Variants in GAB4 observed in about 807,000 individuals in gnomAD.
GAB4 encodes the protein GRB2 associated binding protein family member 4, also known as GRB2-associated-binding protein 4.
In GAB4, 26 loss-of-function variants were observed where a neutral mutation model predicts 51.3. That is an observed-to-expected ratio of 0.51 (90% CI 0.37 to 0.70). GAB4 has a LOEUF of 0.70. Ranked by LOEUF, GAB4 falls within the 30% of genes least tolerant of loss-of-function variation. GAB4 has a pLI of 0.00. For synonymous variants in GAB4, 329 were observed against 291.2 expected (o/e 1.13, Z -1.32); for missense variants, 759 against 734.6 (o/e 1.03, Z -0.38).
intron 3 of GAB4, among the ~76,000 whole-genome samples, chr22:16,974,501 G>A (rs6518645): frequency 0.032 from 4,908 of 152,264 alleles, 319 homozygotes; most frequent in African/African-American, 0.11. Context: ...GCAGCGCAGT[G>A]CACCTGCCCT....
At chr22:16,976,959 C>A (rs112760235) in intron 3 of GAB4, among the ~76,000 whole-genome samples, 8 of 152,152 alleles carry the variant, frequency 5.3e-5, no homozygotes, top group Non-Finnish European at 1.2e-4. Flanking sequence ...TCTTTACAGA[C>A]AAGCAAATGC....
intron 5 of GAB4, chr22:16,967,043 G>A (rs1238937332): frequency 1.3e-5 from 2 of 152,226 alleles, no homozygotes. Context: ...AATCAAAGTA[G>A]AGGCAAGAAA....
rs574636837 is a variant in GAB4 at position 16,988,007 on chromosome 22, C to A, written c.639G>T (p.Gly213=). Residue 213 remains glycine (G), a synonymous_variant, in exon 3 of 10, where the codon GGG becomes GGT. Transcript: ENST00000400588. ...TGGCGTGCTGGTGCGAGCGGAGACA[C>A]CCCGGAGGTGCAGGGATGGGCCAGG... is the stretch of plus-strand genomic sequence containing the variant. ...PPTWPIPAPP[G]CLRSHQHASQ... 2 of 1,609,930 alleles carry A rather than the reference C, an allele frequency of 1.2e-6. No individual in the cohort carries two copies. The highest frequency in any genetic ancestry group is 1.7e-5 in the Admixed American group (1 of 59,264).
intron 2 of GAB4, among the ~76,000 whole-genome samples, chr22:16,988,653 G>A (rs1261708790): frequency 6.6e-6 from 1 of 152,222 alleles, no homozygotes; most frequent in Non-Finnish European, 1.5e-5. Context: ...GTGTTGGCAA[G>A]GAAGAGAGGT....
At chr22:16,964,657 G>A (rs1260365075) in intron 8 of GAB4, 109 bp downstream of exon 8, 6 of 704,416 alleles carry the variant, frequency 8.5e-6, no homozygotes, top group African/African-American at 1.8e-5. Flanking sequence ...AATCACACCT[G>A]ACTGGGCTGG....
intron 7 of GAB4, 43 bp downstream of exon 7, chr22:16,965,135 C>T (rs1464778555): frequency 4.8e-6 from 7 of 1,468,240 alleles, no homozygotes; most frequent in Non-Finnish European, 6.6e-6. Flanking sequence ...CACTCCTCCA[C>T]CGGCCCGGTC....
At chr22:16,979,897 C>T (rs2060812716) in intron 3 of GAB4, among the ~76,000 whole-genome samples, 1 of 152,152 alleles carries the variant, frequency 6.6e-6, no homozygotes, top group Admixed American at 6.5e-5. Flanking sequence ...CTGACAAAAA[C>T]AAGCAATGGG....
At chr22:16,968,239 G>T (rs2060697984) in intron 5 of GAB4, 59 bp downstream of exon 5, 2 of 1,152,488 alleles carry the variant, frequency 1.7e-6, no homozygotes. Flanking sequence ...TTAGTTCCAT[G>T]GAGTGTGACC....
In GAB4 at chr22:16,970,181, G is replaced by A; in HGVS notation, c.699C>T (p.Phe233=). The A allele has an allele frequency of 1.2e-6, 2 of 1,614,152 alleles. No individual in the cohort carries two copies. Among genetic ancestry groups the A allele is most frequent in the Non-Finnish European group, 1.7e-6 (2 of 1,180,020 alleles). The part of the protein sequence containing the change: ...QRAEHARSAS[F]SQGSEAPFIM... Reference sequence around the variant, plus strand: ...TGAATGGGGCCTCAGAACCCTGGGAGAAGCTGGCACTCCTAAGAGAGAGAA... The same window carrying A: ...TGAATGGGGCCTCAGAACCCTGGGAAAAGCTGGCACTCCTAAGAGAGAGAA... The change falls in exon 4 of 10, where the codon TTC becomes TTT. Residue 233 remains phenylalanine, a synonymous_variant. Transcript: ENST00000400588.
intron 2 of GAB4, among the ~76,000 whole-genome samples, chr22:16,990,016 T>A (rs2060900816): frequency 1.3e-5 from 2 of 151,324 alleles, no homozygotes; most frequent in Admixed American, 1.3e-4. Context: ...ATGCCTGTGT[T>A]CCCTCTCGGT....
intron 1 of GAB4, among the ~76,000 whole-genome samples, chr22:16,992,468 T>C (rs1407276329): frequency 6.6e-6 from 1 of 152,184 alleles, no homozygotes; most frequent in Non-Finnish European, 1.5e-5. Flanking sequence ...CCTAGAACAC[T>C]GACCTCAATG....
intron 3 of GAB4, among the ~76,000 whole-genome samples, chr22:16,974,883 G>A (rs573434853): frequency 9.2e-5 from 14 of 152,286 alleles, no homozygotes; most frequent in African/African-American, 1.4e-4. Flanking sequence ...AGGGTGGGGC[G>A]TCACCTCACC....
chr22:16,967,777 G>A (rs1366053970), intron 5 of GAB4, among the ~76,000 whole-genome samples: 1 of 152,184 alleles, frequency 6.6e-6, no homozygotes, highest in African/African-American at 2.4e-5. Context: ...TGACACCTTG[G>A]AGAACTGTGG....
chr22:16,981,286 T>C (rs1037209577), intron 3 of GAB4, among the ~76,000 whole-genome samples: 11 of 150,940 alleles, frequency 7.3e-5, no homozygotes, highest in Non-Finnish European at 1.3e-4. Flanking sequence ...ATATTACAGT[T>C]CATAGCAGCA....
chr22:16,970,599 T>C (rs1173313146), intron 3 of GAB4, among the ~76,000 whole-genome samples: 1 of 152,146 alleles, frequency 6.6e-6, no homozygotes, highest in Non-Finnish European at 1.5e-5. Flanking sequence ...GCTGTGAGCA[T>C]TGCAGAATGT....
intron 1 of GAB4, among the ~76,000 whole-genome samples, chr22:16,999,644 G>C (rs868296069): frequency 1.3e-5 from 2 of 152,134 alleles, no homozygotes; most frequent in Non-Finnish European, 1.5e-5. Flanking sequence ...ATCTCCTTCA[G>C]TTCTGCTCTG....
intron 3 of GAB4, among the ~76,000 whole-genome samples, chr22:16,986,314 G>A (rs1473371774): frequency 6.6e-6 from 1 of 152,202 alleles, no homozygotes; most frequent in Non-Finnish European, 1.5e-5. Context: ...ACGTGCATGT[G>A]AAAGTATGAA....
chr22:16,988,977 T>C (rs192519214), intron 2 of GAB4, among the ~76,000 whole-genome samples: 131 of 152,298 alleles, frequency 8.6e-4, no homozygotes, highest in African/African-American at 3.1e-3. Flanking sequence ...AGGGACCGAC[T>C]TTCTTCTGGG....
At chr22:17,005,269 A>C (rs748079467) in intron 1 of GAB4, among the ~76,000 whole-genome samples, 1 of 152,190 alleles carries the variant, frequency 6.6e-6, no homozygotes, top group Non-Finnish European at 1.5e-5. Context: ...CAAAAGAATA[A>C]AATACCTAGG....
Sources: gnomAD v4.1 joint callset for allele counts (sites outside exome capture counted in the v4.1 genomes callset) on GRCh38, gnomAD v4.1.1 for gene constraint, MANE v1.5 for transcripts, NCBI Gene and HGNC (gene_info 2026-07-23, HGNC 2026-07-21) for gene names.